Variants in PAM16 observed in about 807,000 individuals in gnomAD.
PAM16 encodes the protein mitochondrial import inner membrane translocase subunit TIM16.
PAM16 carries 11 observed loss-of-function variants against 17.9 expected under a neutral mutation model. That is an observed-to-expected ratio of 0.62 (90% confidence interval 0.39 to 1.02). PAM16 has a LOEUF of 1.02. PAM16 is among the 50% of genes least tolerant of loss of function. The pLI is 0.01. For synonymous variants in PAM16, 72 were observed against 67.4 expected (o/e 1.07, Z -0.34); for missense variants, 199 against 165.4 (o/e 1.20, Z -1.11).
At chr16:4,346,831 T>C (rs1235602295) in intron 1 of PAM16, 1 of 152,182 alleles carries the variant, frequency 6.6e-6, no homozygotes, top group Non-Finnish European at 1.5e-5. Context: ...ACGATCCTCC[T>C]GCCTCACCCT....
intron 4 of PAM16, among the ~76,000 whole-genome samples, chr16:4,340,688 G>A (rs535204299): frequency 1.3e-5 from 2 of 152,302 alleles, no homozygotes; most frequent in African/African-American, 2.4e-5. Context: ...CTGGGAGGGA[G>A]GGCTCTATCT....
At chr16:4,348,683 T>G (rs2053796455) in intron 1 of PAM16, 1 of 151,940 alleles carries the variant, frequency 6.6e-6, no homozygotes, top group Non-Finnish European at 1.5e-5. Flanking sequence ...GGAGATGGAG[T>G]CTTGCTCTGT....
intron 1 of PAM16, chr16:4,345,741 A>C: frequency 2.0e-6 from 1 of 489,740 alleles, no homozygotes; most frequent in Non-Finnish European, 2.6e-6. Context: ...TGTACTGCAG[A>C]TGAGGGAGGG....
chr16:4,344,056 C>A (rs944541071), intron 1 of PAM16: 1 of 398,044 alleles, frequency 2.5e-6, no homozygotes, highest in Middle Eastern at 6.3e-4. Flanking sequence ...CACTGTCACA[C>A]ACCAGGCTGA....
intron 1 of PAM16, chr16:4,345,775 TG>T: frequency 1.1e-6 from 1 of 895,526 alleles, no homozygotes; most frequent in Non-Finnish European, 1.3e-6. Context: ...TGATGACACC[TG>T]CGGTCTCACC....
intron 2 of PAM16, chr16:4,341,801 C>G (rs1226292390): frequency 2.3e-6 from 1 of 432,356 alleles, no homozygotes; most frequent in Non-Finnish European, 4.2e-6. Context: ...CCCAGGGGAA[C>G]AGCAAATTGG....
chr16:4,341,845 G>C (rs546027345), intron 2 of PAM16, among the ~76,000 whole-genome samples: 1 of 152,152 alleles, frequency 6.6e-6, no homozygotes, highest in Admixed American at 6.5e-5. Context: ...CTGTATAGTG[G>C]GGCTGCGGGC....
intron 1 of PAM16, chr16:4,343,599 A>G: frequency 7.3e-7 from 1 of 1,378,772 alleles, no homozygotes; most frequent in Non-Finnish European, 9.3e-7. Flanking sequence ...CACCGGCTTC[A>G]GGAAGAAACA....
chr16:4,346,070 C>T (rs1414991979), intron 1 of PAM16: 1 of 677,450 alleles, frequency 1.5e-6, no homozygotes, highest in Non-Finnish European at 1.8e-6. Flanking sequence ...CGACCATCCC[C>T]TGCACACTTC....
intron 1 of PAM16, 76 bp from the exon 2 acceptor site, chr16:4,343,367 C>A (rs540413295): frequency 6.5e-6 from 10 of 1,534,032 alleles, no homozygotes; most frequent in South Asian, 1.2e-5. Flanking sequence ...AAACGGCTGC[C>A]GAGGGGCAAG....
At chr16:4,343,534 G>A in intron 1 of PAM16, 1 of 1,419,846 alleles carries the variant, frequency 7.0e-7, no homozygotes, top group South Asian at 1.6e-5. Context: ...AGGCAGACTG[G>A]CCCCACCTCA....
intron 1 of PAM16, chr16:4,343,543 C>A (rs2053685302): frequency 7.1e-7 from 1 of 1,415,600 alleles, no homozygotes; most frequent in Non-Finnish European, 9.2e-7. Context: ...GGCCCCACCT[C>A]ATCCTTCAGG....
intron 1 of PAM16, among the ~76,000 whole-genome samples, chr16:4,344,662 A>G (rs1596251753): frequency 8.1e-5 from 1 of 12,340 alleles, no homozygotes; most frequent in East Asian, 2.9e-3. Context: ...GTTCCGTGAG[A>G]GGAGGGGGTT....
chr16:4,346,717 T>C (rs760260075), intron 1 of PAM16: 2 of 152,200 alleles, frequency 1.3e-5, no homozygotes, highest in Non-Finnish European at 2.9e-5. Flanking sequence ...TTTGGGTCTT[T>C]TATTTTTTAT....
chr16:4,348,007 G>C (rs1271157669), intron 1 of PAM16: 1 of 152,268 alleles, frequency 6.6e-6, no homozygotes, highest in Non-Finnish European at 1.5e-5. Context: ...GTGTCTTTGA[G>C]ATTCGCGTGC....
chr16:4,351,240 C>T lies in PAM16; in HGVS notation c.-6G>A. The T allele has an allele frequency of 1.4e-6, 2 of 1,466,338 alleles. No homozygotes were observed. The highest frequency in any genetic ancestry group is 1.8e-6 in the Non-Finnish European group (2 of 1,102,976). The allele number at this position is 1,466,338 out of a possible 1,614,324, so 90.8% of individuals were successfully genotyped here. Reference sequence around the variant, plus strand: ...CCCGACTCGGGGCTCACCATGGCAGCCGCTCTGCCTCCGGGGCTCAAACTC... The same window carrying T: ...CCCGACTCGGGGCTCACCATGGCAGTCGCTCTGCCTCCGGGGCTCAAACTC... On this transcript the variant is annotated 5_prime_UTR_variant, in exon 1 of 5. Transcript: ENST00000318059.
intron 1 of PAM16, among the ~76,000 whole-genome samples, chr16:4,346,283 A>G (rs1165116887): frequency 2.0e-5 from 3 of 152,224 alleles, no homozygotes; most frequent in Non-Finnish European, 4.4e-5. Flanking sequence ...AATCCCAGCT[A>G]TCTGACATAG....
chr16:4,351,269 C>G lies in PAM16; in HGVS notation c.-35G>C. 1.4e-6 allele frequency: 2 copies of G among 1,457,304 alleles called. No homozygotes were observed. Among genetic ancestry groups the G allele is most frequent in the Non-Finnish European group, 1.8e-6 (2 of 1,096,696 alleles). The allele number at this position is 1,457,304 out of a possible 1,614,324, so 90.3% of individuals were successfully genotyped here. On this transcript the variant is annotated 5_prime_UTR_variant, in exon 1 of 5. Coordinates refer to ENST00000318059, the MANE Select transcript of PAM16 (RefSeq NM_016069.11). Reference sequence around the variant, plus strand: ...TCTGCCTCCGGGGCTCAAACTCCGACTTCCTGGCCCCGCGGCCGGGGATCA... The same window carrying G: ...TCTGCCTCCGGGGCTCAAACTCCGAGTTCCTGGCCCCGCGGCCGGGGATCA...
chr16:4,344,880 C>G lies in PAM16; in HGVS notation c.4-1589G>C, dbSNP rs191861029. Reference sequence around the variant, plus strand: ...GTGAGAGGAGGGGGTTCCTCCTGGGCTGGGCTTTGCAGGGTAGGAAGAATC... The same window carrying G: ...GTGAGAGGAGGGGGTTCCTCCTGGGGTGGGCTTTGCAGGGTAGGAAGAATC... On this transcript the variant is annotated intron_variant, in intron 1 of 4. Transcript: ENST00000318059. Among the ~76,000 whole-genome samples, 210 of 147,252 alleles carry G rather than the reference C, an allele frequency of 1.4e-3. 2 individuals carry two copies. The highest frequency in any genetic ancestry group is 5.2e-3 in the African/African-American group (206 of 39,774).
Sources: allele counts gnomAD v4.1 joint callset (sites outside exome capture counted in the v4.1 genomes callset), GRCh38; gene constraint gnomAD v4.1.1; transcripts MANE v1.5; gene names NCBI Gene and HGNC (gene_info 2026-07-23, HGNC 2026-07-21).